The following MCC variants were observed in gnomAD, a reference collection of about 807,000 sequenced individuals.
The protein encoded by MCC is MCC regulator of Wnt signaling pathway, also known as colorectal mutant cancer protein.
MCC carries 90 observed loss-of-function variants against 116.2 expected under a neutral mutation model. That is an observed-to-expected ratio of 0.77 (90% CI 0.65 to 0.92). MCC has a LOEUF of 0.92. Ranked by LOEUF, MCC falls within the 40% of genes least tolerant of loss-of-function variation. The pLI is 0.00. For synonymous variants in MCC, 578 were observed against 510.5 expected (o/e 1.13, Z -1.78); for missense variants, 1,516 against 1,312.2 (o/e 1.16, Z -2.40).
intron 5 of MCC, among the ~76,000 whole-genome samples, chr5:113,128,421 T>G (rs2150274922): frequency 6.6e-6 from 1 of 152,378 alleles, no homozygotes; most frequent in Non-Finnish European, 1.5e-5. Flanking sequence ...AGTTTTTTGT[T>G]TTTTGTTTTA....
At chr5:113,206,951 C>T (rs1475152537) in intron 3 of MCC, among the ~76,000 whole-genome samples, 1 of 152,200 alleles carries the variant, frequency 6.6e-6, no homozygotes, top group African/African-American at 2.4e-5. Flanking sequence ...AATGATTCAT[C>T]TAGCACCAGA....
chr5:113,078,238 T>C (rs1174301703), intron 11 of MCC, among the ~76,000 whole-genome samples: 2 of 152,192 alleles, frequency 1.3e-5, no homozygotes, highest in African/African-American at 4.8e-5. Context: ...AAGGAGAAGC[T>C]GGTATCATTC....
intron 2 of MCC, among the ~76,000 whole-genome samples, chr5:113,363,839 T>C (rs1311946672): frequency 6.6e-6 from 1 of 152,208 alleles, no homozygotes; most frequent in Non-Finnish European, 1.5e-5. Context: ...CTTATGCCTA[T>C]AATCCCGTAG....
At chr5:113,253,941 CAA>C (rs963741077) in intron 3 of MCC, among the ~76,000 whole-genome samples, 1 of 151,898 alleles carries the variant, frequency 6.6e-6, no homozygotes, top group African/African-American at 2.4e-5. Flanking sequence ...AGGAGGAAAA[CAA>C]AAAAGTTTGG....
At chr5:113,125,213 A>G (rs182310152) in intron 5 of MCC, among the ~76,000 whole-genome samples, 8 of 152,332 alleles carry the variant, frequency 5.3e-5, no homozygotes, top group Admixed American at 1.3e-4. Context: ...TAAAAATACA[A>G]TGTGGAAAGT....
At chr5:113,348,685 T>C (rs931324856) in intron 2 of MCC, among the ~76,000 whole-genome samples, 1 of 151,574 alleles carries the variant, frequency 6.6e-6, no homozygotes. Flanking sequence ...CCAAAATTAG[T>C]AGGAAAAAAT....
chr5:113,099,415 A>G (rs1381217092), intron 8 of MCC, among the ~76,000 whole-genome samples: 1 of 152,258 alleles, frequency 6.6e-6, no homozygotes, highest in Non-Finnish European at 1.5e-5. Flanking sequence ...CCTATTTAAA[A>G]AAATGACAGG....
chr5:113,425,452 C>T (rs901116929), intron 1 of MCC, among the ~76,000 whole-genome samples: 35 of 152,158 alleles, frequency 2.3e-4, no homozygotes, highest in African/African-American at 7.7e-4. Flanking sequence ...GTGCATATAA[C>T]CAATTACCAA....
At chr5:113,345,517 A>G (rs1349460487) in intron 2 of MCC, among the ~76,000 whole-genome samples, 1 of 152,222 alleles carries the variant, frequency 6.6e-6, no homozygotes, top group Non-Finnish European at 1.5e-5. Flanking sequence ...TGGGAACCAC[A>G]GGGGTGGTTG....
intron 11 of MCC, among the ~76,000 whole-genome samples, chr5:113,079,755 C>T (rs1373524842): frequency 1.1e-4 from 16 of 152,210 alleles, no homozygotes; most frequent in Admixed American, 9.8e-4. Flanking sequence ...TGGGCAAGGA[C>T]TTCATGACTA....
intron 3 of MCC, among the ~76,000 whole-genome samples, chr5:113,248,858 C>T (rs1344039525): frequency 7.8e-6 from 1 of 128,894 alleles, no homozygotes; most frequent in Non-Finnish European, 1.6e-5. Context: ...GATGGAGTCT[C>T]ACTGTGTCAC....
At chr5:113,463,243 A>G (rs1771795540) in intron 1 of MCC, among the ~76,000 whole-genome samples, 1 of 152,172 alleles carries the variant, frequency 6.6e-6, no homozygotes, top group Non-Finnish European at 1.5e-5. Context: ...CATGGTTAAG[A>G]ATTATGACTC....
intron 3 of MCC, among the ~76,000 whole-genome samples, chr5:113,328,682 G>A (rs777606162): frequency 6.6e-6 from 1 of 152,104 alleles, no homozygotes; most frequent in Admixed American, 6.5e-5. Context: ...ATCGTGTCAG[G>A]AGGCCCCAAC....
At chr5:113,167,977 T>C (rs924870648) in intron 3 of MCC, among the ~76,000 whole-genome samples, 3 of 152,116 alleles carry the variant, frequency 2.0e-5, no homozygotes, top group African/African-American at 7.2e-5. Context: ...TTGCCTGCAG[T>C]CTCAGGATTT....
chr5:113,305,573 C>T (rs1766967353), intron 3 of MCC, among the ~76,000 whole-genome samples: 1 of 152,074 alleles, frequency 6.6e-6, no homozygotes, highest in Non-Finnish European at 1.5e-5. Flanking sequence ...TCATGTAGTC[C>T]TTTCGTCCCC....
intron 3 of MCC, among the ~76,000 whole-genome samples, chr5:113,251,247 G>T (rs965870533): frequency 2.0e-5 from 3 of 152,254 alleles, no homozygotes; most frequent in East Asian, 3.9e-4. Context: ...AAGCCAAAAG[G>T]TATTTTCTTC....
At chr5:113,338,550 C>T (rs77861551) in intron 3 of MCC, among the ~76,000 whole-genome samples, 7,893 of 152,260 alleles carry the variant, frequency 0.052, 407 homozygotes, top group African/African-American at 0.13. Flanking sequence ...GAAAACTGGT[C>T]GGCCATGAAC....
chr5:113,130,650 GGTGA>G (rs1362571097), intron 5 of MCC, among the ~76,000 whole-genome samples: 2 of 152,066 alleles, frequency 1.3e-5, no homozygotes, highest in Non-Finnish European at 2.9e-5. Context: ...CTTCCTTGTG[GGTGA>G]GTGAGTTCTC....
chr5:113,270,560 C>G (rs1365639270), intron 3 of MCC, among the ~76,000 whole-genome samples: 2 of 150,910 alleles, frequency 1.3e-5, no homozygotes, highest in African/African-American at 4.9e-5. Context: ...AATGTGTCGT[C>G]CCCTTTGCAC....
Sources: gnomAD v4.1 joint callset for allele counts (sites outside exome capture counted in the v4.1 genomes callset) on GRCh38, gnomAD v4.1.1 for gene constraint, MANE v1.5 for transcripts, NCBI Gene and HGNC (gene_info 2026-07-23, HGNC 2026-07-21) for gene names.